The following NDUFS4 variants were observed in gnomAD, a reference collection of about 807,000 sequenced individuals.
The protein encoded by NDUFS4 is NADH dehydrogenase [ubiquinone] iron-sulfur protein 4, mitochondrial.
NDUFS4 carries 28 observed loss-of-function variants against 24.3 expected under a neutral mutation model. That is an observed-to-expected ratio of 1.15 (90% CI 0.85 to 1.58). NDUFS4 has a LOEUF of 1.58. Among genes scored for constraint, NDUFS4 ranks in the 40% most tolerant of loss-of-function variants. The pLI is 0.00. For synonymous variants in NDUFS4, 93 were observed against 69.7 expected (o/e 1.34, Z -1.67); for missense variants, 223 against 207.9 (o/e 1.07, Z -0.45).
intron 2 of NDUFS4, among the ~76,000 whole-genome samples, chr5:53,634,613 C>T (rs747221305): frequency 6.6e-6 from 1 of 152,030 alleles, no homozygotes; most frequent in Non-Finnish European, 1.5e-5. Context: ...CCCCCTCCTT[C>T]CTCTCCCTCT....
At chr5:53,665,499 GT>G (rs967220455) in intron 4 of NDUFS4, among the ~76,000 whole-genome samples, 1 of 152,216 alleles carries the variant, frequency 6.6e-6, no homozygotes, top group Non-Finnish European at 1.5e-5. Flanking sequence ...TGGCTGCTTT[GT>G]TTACCTAGTC....
intron 4 of NDUFS4, among the ~76,000 whole-genome samples, chr5:53,682,070 G>GTTAT (rs1028309088): frequency 2.6e-5 from 4 of 152,210 alleles, no homozygotes; most frequent in African/African-American, 9.6e-5. Context: ...GTTTCAAGAT[G>GTTAT]TTATTTGAAT....
intron 2 of NDUFS4, among the ~76,000 whole-genome samples, chr5:53,609,077 T>G (rs2112464297): frequency 6.6e-6 from 1 of 152,298 alleles, no homozygotes; most frequent in South Asian, 2.1e-4. Flanking sequence ...TGGACTCAGT[T>G]TCTTTCAAAC....
At chr5:53,577,459 C>T (rs1262879271) in intron 1 of NDUFS4, among the ~76,000 whole-genome samples, 1 of 143,392 alleles carries the variant, frequency 7.0e-6, no homozygotes, top group African/African-American at 2.6e-5. Context: ...GACCTTATAA[C>T]TAAAGAGTCT....
chr5:53,577,338 A>G (rs1337836349), intron 1 of NDUFS4, among the ~76,000 whole-genome samples: 1 of 152,132 alleles, frequency 6.6e-6, no homozygotes, highest in East Asian at 1.9e-4. Flanking sequence ...TAATGGGCTC[A>G]CTTGAGGTGG....
At chr5:53,682,304 C>A (rs905128983) in intron 4 of NDUFS4, among the ~76,000 whole-genome samples, 2 of 151,980 alleles carry the variant, frequency 1.3e-5, no homozygotes, top group Non-Finnish European at 2.9e-5. Flanking sequence ...TTACAAAATG[C>A]TGAAATGGCT....
intron 2 of NDUFS4, among the ~76,000 whole-genome samples, chr5:53,644,072 T>C (rs1751779244): frequency 1.3e-5 from 2 of 152,190 alleles, no homozygotes; most frequent in African/African-American, 4.8e-5. Context: ...TACTGTTTTA[T>C]AGTATAAATC....
At chr5:53,587,399 TA>T (rs1749796582) in intron 1 of NDUFS4, among the ~76,000 whole-genome samples, 1 of 152,134 alleles carries the variant, frequency 6.6e-6, no homozygotes, top group Non-Finnish European at 1.5e-5. Context: ...ACCTACCACC[TA>T]GATTTAACAT....
Position 53,582,959 on chromosome 5 carries a change from T to A in NDUFS4, c.99-20493T>A, listed in dbSNP as rs888783840. On this transcript the variant is annotated intron_variant, in intron 1 of 4. Transcript: ENST00000296684. ...CTCTGTCACCCAGGTTGAAGTACAG[T>A]GGCACGATCTCGGCTCACTGCAAGC... Among the ~76,000 whole-genome samples, 77 of 152,272 alleles carry A rather than the reference T, an allele frequency of 5.1e-4. 1 individual carries two copies. The highest frequency in any genetic ancestry group is 1.0e-3 in the Non-Finnish European group (69 of 68,020).
intron 1 of NDUFS4, among the ~76,000 whole-genome samples, chr5:53,577,815 G>A (rs1342617669): frequency 6.6e-6 from 1 of 152,090 alleles, no homozygotes; most frequent in African/African-American, 2.4e-5. Flanking sequence ...ATTCATGATA[G>A]CAGAATATTC....
At chr5:53,639,354 A>G (rs1751643538) in intron 2 of NDUFS4, among the ~76,000 whole-genome samples, 1 of 151,872 alleles carries the variant, frequency 6.6e-6, no homozygotes, top group African/African-American at 2.4e-5. Context: ...AACAGACCAA[A>G]TATGTTTAGC....
At chr5:53,598,700 C>T (rs1418827768) in intron 1 of NDUFS4, among the ~76,000 whole-genome samples, 1 of 152,124 alleles carries the variant, frequency 6.6e-6, no homozygotes, top group East Asian at 1.9e-4. Context: ...ACAAAAATCT[C>T]ACCAAACTGT....
intron 2 of NDUFS4, among the ~76,000 whole-genome samples, chr5:53,613,972 A>C (rs72751870): frequency 0.16 from 25,019 of 151,946 alleles, 2,296 homozygotes; most frequent in Non-Finnish European, 0.21. Context: ...ACATGTTTGG[A>C]AGATTATTAC....
chr5:53,680,523 T>C (rs905864036), intron 4 of NDUFS4, among the ~76,000 whole-genome samples: 3 of 152,122 alleles, frequency 2.0e-5, no homozygotes, highest in Non-Finnish European at 4.4e-5. Flanking sequence ...TAAAAAATGA[T>C]GTTGAGTTCA....
At chr5:53,610,965 C>T (rs780957110) in intron 2 of NDUFS4, among the ~76,000 whole-genome samples, 1 of 152,088 alleles carries the variant, frequency 6.6e-6, no homozygotes, top group Admixed American at 6.6e-5. Context: ...GCTAAAACCT[C>T]AGATTCTCTC....
intron 1 of NDUFS4, among the ~76,000 whole-genome samples, chr5:53,580,202 CAT>C (rs892983773): frequency 1.3e-5 from 2 of 152,178 alleles, no homozygotes; most frequent in African/African-American, 4.8e-5. Context: ...TTATTTACAT[CAT>C]ATGTACTTTT....
chr5:53,608,284 A>G (rs1426375674), intron 2 of NDUFS4, among the ~76,000 whole-genome samples: 2 of 152,212 alleles, frequency 1.3e-5, no homozygotes, highest in African/African-American at 2.4e-5. Flanking sequence ...AATCGTAATC[A>G]TTTGACTGGT....
chr5:53,645,879 C>T (rs1439284179), intron 2 of NDUFS4, among the ~76,000 whole-genome samples: 6 of 151,958 alleles, frequency 3.9e-5, no homozygotes, highest in Non-Finnish European at 7.4e-5. Context: ...TATTTTTTCT[C>T]CTCTGACTAG....
chr5:53,664,114 A>G (rs1212680798), intron 4 of NDUFS4, among the ~76,000 whole-genome samples: 1 of 152,136 alleles, frequency 6.6e-6, no homozygotes, highest in African/African-American at 2.4e-5. Context: ...CTGGATATGA[A>G]ATTCTGGGTT....
Sources: allele counts gnomAD v4.1 joint callset (sites outside exome capture counted in the v4.1 genomes callset), GRCh38; gene constraint gnomAD v4.1.1; transcripts MANE v1.5; gene names NCBI Gene and HGNC (gene_info 2026-07-23, HGNC 2026-07-21).